Variants in RASA1 observed in about 807,000 individuals in gnomAD.
RASA1 encodes the protein ras GTPase-activating protein 1.
A neutral mutation model predicts 132.2 loss-of-function variants in RASA1; 25 were observed. The observed-to-expected ratio is 0.19, with a 90% CI of 0.14 to 0.26. RASA1 has a LOEUF of 0.26. Ranked by LOEUF, RASA1 falls within the 10% of genes least tolerant of loss-of-function variation. The pLI is 1.00. For synonymous variants in RASA1, 477 were observed against 449.9 expected (o/e 1.06, Z -0.76); for missense variants, 964 against 1,299.2 (o/e 0.74, Z 3.97).
intron 1 of RASA1, among the ~76,000 whole-genome samples, chr5:87,275,378 G>T (rs986992948): frequency 4.6e-5 from 7 of 152,082 alleles, no homozygotes; most frequent in Non-Finnish European, 8.8e-5. Flanking sequence ...TTGTGTATTT[G>T]CCCTTGATTC....
intron 1 of RASA1, among the ~76,000 whole-genome samples, chr5:87,307,418 G>A (rs1465445511): frequency 6.6e-6 from 1 of 152,054 alleles, no homozygotes; most frequent in Non-Finnish European, 1.5e-5. Flanking sequence ...CCGAGATCGT[G>A]CCACTGCACT....
chr5:87,278,070 C>T (rs1236434927), intron 1 of RASA1, among the ~76,000 whole-genome samples: 1 of 152,060 alleles, frequency 6.6e-6, no homozygotes, highest in African/African-American at 2.4e-5. Flanking sequence ...TTAGAGATCT[C>T]CCTCACCTCT....
intron 1 of RASA1, among the ~76,000 whole-genome samples, chr5:87,326,392 A>T (rs1054934504): frequency 6.6e-6 from 1 of 152,146 alleles, no homozygotes. Context: ...ATGATATTGT[A>T]TGTAAATTGA....
At chr5:87,353,925 G>C (rs899530353) in intron 9 of RASA1, among the ~76,000 whole-genome samples, 1 of 152,092 alleles carries the variant, frequency 6.6e-6, no homozygotes, top group Non-Finnish European at 1.5e-5. Flanking sequence ...TATAACAGGG[G>C]TTAGAAAAAG....
At chr5:87,382,774 C>T (rs1761808116) in intron 20 of RASA1, among the ~76,000 whole-genome samples, 1 of 151,984 alleles carries the variant, frequency 6.6e-6, no homozygotes, top group Non-Finnish European at 1.5e-5. Context: ...CTTTAGAATT[C>T]CTAATGTCTT....
intron 11 of RASA1, among the ~76,000 whole-genome samples, chr5:87,364,090 A>T (rs1231590426): frequency 6.6e-6 from 1 of 152,124 alleles, no homozygotes; most frequent in Non-Finnish European, 1.5e-5. Context: ...TTTCACCATT[A>T]GTATTATCAG....
At chr5:87,345,115 A>G (rs1758757595) in intron 6 of RASA1, among the ~76,000 whole-genome samples, 1 of 152,018 alleles carries the variant, frequency 6.6e-6, no homozygotes, top group African/African-American at 2.4e-5. Flanking sequence ...CTGGGATTAC[A>G]GGTGTGATCC....
intron 1 of RASA1, among the ~76,000 whole-genome samples, chr5:87,286,926 C>CATACCATATATAT (rs1418741099): frequency 6.7e-6 from 1 of 148,464 alleles, no homozygotes; most frequent in Non-Finnish European, 1.5e-5. Context: ...CATATATATA[C>CATACCATATATAT]ATACCATATA....
intron 22 of RASA1, among the ~76,000 whole-genome samples, chr5:87,386,124 C>G (rs1020313532): frequency 2.0e-5 from 3 of 151,696 alleles, no homozygotes; most frequent in African/African-American, 7.3e-5. Context: ...TCTTTTTTGC[C>G]AATTGGATAG....
intron 1 of RASA1, among the ~76,000 whole-genome samples, chr5:87,323,922 C>A (rs1205271683): frequency 6.6e-6 from 1 of 152,070 alleles, no homozygotes; most frequent in East Asian, 1.9e-4. Context: ...CTTACTATAC[C>A]AGATTACAGT....
chr5:87,351,332 T>G (rs751813531), intron 8 of RASA1, among the ~76,000 whole-genome samples: 90 of 151,724 alleles, frequency 5.9e-4, no homozygotes, highest in Non-Finnish European at 8.9e-4. Context: ...TCAGGTTTAT[T>G]AGAAAAGAAA....
chr5:87,362,502 A>C, intron 9 of RASA1, 49 bp from the exon 10 acceptor site: 1 of 1,542,352 alleles, frequency 6.5e-7, no homozygotes, highest in Admixed American at 1.7e-5. Context: ...TTTTTACTTC[A>C]TTTCCATCAA....
chr5:87,348,948 C>A (rs907463347), intron 7 of RASA1, among the ~76,000 whole-genome samples: 52 of 151,672 alleles, frequency 3.4e-4, no homozygotes, highest in African/African-American at 1.2e-3. Context: ...TATTACTGAC[C>A]AGAAGTTACT....
chr5:87,388,516 A>G (rs1292694285), intron 23 of RASA1, among the ~76,000 whole-genome samples: 2 of 152,198 alleles, frequency 1.3e-5, no homozygotes, highest in Non-Finnish European at 2.9e-5. Context: ...GGGATGCTCA[A>G]CTGGCAAGTA....
intron 21 of RASA1, 128 bp from the exon 22 acceptor site, chr5:87,385,173 C>T: frequency 1.4e-6 from 1 of 700,534 alleles, no homozygotes; most frequent in Non-Finnish European, 2.6e-6. Flanking sequence ...CAAAAACATT[C>T]TGAGTTCCGA....
chr5:87,371,483 T>C (rs572296777), intron 12 of RASA1, among the ~76,000 whole-genome samples: 86 of 152,168 alleles, frequency 5.7e-4, no homozygotes, highest in Non-Finnish European at 6.5e-4. Flanking sequence ...CTTAGTTCTC[T>C]CCTTTTCCCC....
intron 1 of RASA1, among the ~76,000 whole-genome samples, chr5:87,284,075 CAA>C (rs1443515332): frequency 2.0e-5 from 3 of 152,118 alleles, no homozygotes; most frequent in African/African-American, 7.2e-5. Context: ...TCTTTCAAGA[CAA>C]ATGCAGAAAT....
chr5:87,376,682 A>G, intron 16 of RASA1, 117 bp downstream of exon 16: 1 of 1,341,676 alleles, frequency 7.5e-7, no homozygotes. Context: ...CAATGATGCC[A>G]GAGATTTTAA....
At position 87,362,603 on chromosome 5, in the gene RASA1, C is replaced by A. The variant is rs2112456792; in HGVS notation, c.1385C>A (p.Thr462Asn). 6.3e-7 allele frequency: 1 copy of A among 1,595,788 alleles called. No homozygotes were observed. The highest frequency in any genetic ancestry group is 8.6e-7 in the Non-Finnish European group (1 of 1,163,510). Residue 462 changes from threonine (T) to asparagine (N), a missense_variant, in exon 10 of 25, where the codon ACC becomes AAC. Physicochemically the swap from Thr to Asn is moderately conservative, Grantham distance 65. Around this residue, in one of 6 missense-constraint regions of RASA1, gnomAD observed 346 missense variants for 520.1 expected, o/e 0.67. Transcript: ENST00000274376. The part of the protein sequence containing the change: ...DTVDGKEIYN[T>N]IRRKTKDAFY... The stretch of plus-strand genomic sequence containing the variant: ...GTGGATGGCAAGGAAATCTATAATA[C>A]CATCCGTCGTAAAACAAAGGATGCC...
Sources: allele counts gnomAD v4.1 joint callset (sites outside exome capture counted in the v4.1 genomes callset), GRCh38; gene constraint gnomAD v4.1.1; regional missense constraint gnomAD v4.1.1; transcripts MANE v1.5; gene names NCBI Gene and HGNC (gene_info 2026-07-23, HGNC 2026-07-21).